MYH11: variants seen among roughly 807,000 people sequenced by gnomAD.
MYH11 encodes the protein myosin-11.
Under a neutral mutation model 246.6 loss-of-function variants are expected in MYH11, and 80 were observed. The ratio of observed to expected loss-of-function variants is 0.32; its 90% CI spans 0.27 to 0.39. MYH11 has a LOEUF of 0.39. Ranked by LOEUF, MYH11 falls within the 10% of genes least tolerant of loss-of-function variation. MYH11 has a pLI of 1.00. For synonymous variants in MYH11, 1,071 were observed against 1,015.5 expected (o/e 1.05, Z -1.04); for missense variants, 2,158 against 2,546.8 (o/e 0.85, Z 3.29).
In MYH11 at chr16:15,714,952, C is replaced by T. The variant is rs746561322; in HGVS notation, c.5743G>A (p.Glu1915Lys). The change falls in exon 40 of 41, where the codon GAG becomes AAG. Residue 1915 changes from glutamate to lysine, a missense_variant. Transcript: ENST00000300036. The part of the protein sequence containing the change: ...RELDEATESN[E>K]AMGREVNALK... Reference sequence around the variant, plus strand: ...GCGTTCACCTCGCGGCCCATGGCCTCGTTGCTCTCCGTGGCCTCATCCAGC... The same window carrying T: ...GCGTTCACCTCGCGGCCCATGGCCTTGTTGCTCTCCGTGGCCTCATCCAGC... 5 of 1,614,118 alleles carry T rather than the reference C, an allele frequency of 3.1e-6. No homozygotes were observed. The highest frequency in any genetic ancestry group is 2.2e-5 in the South Asian group (2 of 91,084).
intron 31 of MYH11, among the ~76,000 whole-genome samples, chr16:15,721,909 G>A (rs1443402830): frequency 6.6e-6 from 1 of 152,166 alleles, no homozygotes; most frequent in Non-Finnish European, 1.5e-5. Context: ...CCAGGCTGGA[G>A]TGCAATGGTG....
Position 15,841,663 on chromosome 16 carries a change from A to G in MYH11, c.-17-3394T>C, listed in dbSNP as rs546300223. Among the ~76,000 whole-genome samples, 8 of 152,348 alleles carry G rather than the reference A, an allele frequency of 5.3e-5. No homozygotes were observed. In the South Asian group the frequency reaches 1.7e-3, roughly 32 times the overall value. On this transcript the variant is annotated intron_variant, in intron 1 of 40. Coordinates refer to ENST00000300036, the MANE Select transcript of MYH11 (RefSeq NM_002474.3). ...CAGATGTGTTTATGAGGAGAGGGAC[A>G]GAGACAACACACTCTATAGGCCTGT...
intron 33 of MYH11, among the ~76,000 whole-genome samples, 159 bp from the exon 34 acceptor site, chr16:15,720,471 C>G (rs911721577): frequency 6.6e-6 from 1 of 151,876 alleles, no homozygotes; most frequent in Admixed American, 6.6e-5. Flanking sequence ...TCACGCCGGG[C>G]GTGGGTGGCT....
Position 15,823,146 on chromosome 16 carries a change from T to C in MYH11, c.502+109A>G, listed in dbSNP as rs2043460136. The C allele has an allele frequency of 2.7e-6, 4 of 1,470,718 alleles. No homozygotes were observed. The Admixed American group carries it at 6.9e-5, about 25-fold the overall frequency. 91.1% of individuals were successfully genotyped at this position (1,470,718 alleles called of 1,614,324 possible). Reference sequence around the variant, plus strand: ...TCCCTTTTTCAGCCACAGTAACTCCTGGTCCCTCGCAGTGCCTGCCAAACT... The same window carrying C: ...TCCCTTTTTCAGCCACAGTAACTCCCGGTCCCTCGCAGTGCCTGCCAAACT... On this transcript the variant is annotated intron_variant, in intron 3 of 40. Coordinates refer to ENST00000300036, the MANE Select transcript of MYH11 (RefSeq NM_002474.3).
rs746923275 is a variant in MYH11, at chr16:15,730,369, TAAAAA to T, written c.3651+2190_3651+2194del. Among the ~76,000 whole-genome samples the T allele has an allele frequency of 2.7e-3, 264 of 97,230 alleles. 3 individuals carry two copies. The Middle Eastern group carries it at 0.034, about 12-fold the overall frequency. The allele number at this position is 97,230 out of a possible 152,430, so 63.8% of individuals were successfully genotyped here. A position where few individuals can be genotyped will look rare whatever the true frequency, so the allele number is the denominator to read the frequency against. On this transcript the variant is annotated intron_variant, in intron 27 of 40. Coordinates refer to ENST00000300036, the MANE Select transcript of MYH11 (RefSeq NM_002474.3). ...CAACATGGCAAAACCCCATCTCTAC[TAAAAA>T]AAAAAAAAAAAAAAAAAATTAGCCG... is the stretch of plus-strand genomic sequence containing the variant.
rs117038177 is a variant in MYH11, at chr16:15,854,250, C to T, written c.-18+2691G>A. 1.2e-3 allele frequency among the ~76,000 whole-genome samples: 176 copies of T among 152,230 alleles called. 1 individual carries two copies. In the East Asian group the frequency reaches 0.03, roughly 26 times the overall value. ...CCGGTTCTGCCAAAGATGAGCCATGCCATACTGAGCAAACATCTTGAACTC... is the reference window on the plus strand; with the variant it reads ...CCGGTTCTGCCAAAGATGAGCCATGTCATACTGAGCAAACATCTTGAACTC... On this transcript the variant is annotated intron_variant, in intron 1 of 40. Transcript: ENST00000300036.
chr16:15,738,711 A>ATAGCTT lies in MYH11; in HGVS notation c.2998-29_2998-24dup, dbSNP rs768602827. On this transcript the variant is annotated intron_variant, in intron 23 of 40. Transcript: ENST00000300036. ...TTCCTTTTTGGGGAAAGAGAAAGAGATAGCTTTAGGATTTTTCTTTTCTCT... is the reference window on the plus strand; with the variant it reads ...TTCCTTTTTGGGGAAAGAGAAAGAGATAGCTTTAGCTTTAGGATTTTTCTTTTCTCT... 1.9e-6 allele frequency: 3 copies of ATAGCTT among 1,612,692 alleles called. 1 individual carries two copies. The South Asian group carries it at 3.3e-5, about 18-fold the overall frequency.
intron 2 of MYH11, among the ~76,000 whole-genome samples, chr16:15,825,544 G>C (rs2043539677): frequency 6.6e-6 from 1 of 152,124 alleles, no homozygotes; most frequent in Admixed American, 6.6e-5. Context: ...GGGTGACAGA[G>C]CAAGACCCTG....
intron 3 of MYH11, among the ~76,000 whole-genome samples, chr16:15,811,649 G>A (rs2043139852): frequency 6.6e-6 from 1 of 151,988 alleles, no homozygotes; most frequent in Non-Finnish European, 1.5e-5. Context: ...GGAGTTGGGT[G>A]AGCAGGAACC....
intron 1 of MYH11, among the ~76,000 whole-genome samples, chr16:15,846,173 A>G (rs192521379): frequency 6.6e-5 from 10 of 152,204 alleles, no homozygotes; most frequent in Admixed American, 2.6e-4. Context: ...TGCCTTTCAC[A>G]TAAGGTGGGT....
At position 15,725,149 on chromosome 16, in the gene MYH11, AC is replaced by A. The variant is rs375930766; in HGVS notation, c.3859-158del. The A allele has an allele frequency of 4.0e-3, 2,258 of 571,230 alleles. 3 individuals are homozygous for A. Among genetic ancestry groups the A allele is most frequent in the Middle Eastern group, 6.4e-3 (14 of 2,186 alleles). 35.4% of individuals were successfully genotyped at this position (571,230 alleles called of 1,614,324 possible). A position where few individuals can be genotyped will look rare whatever the true frequency, so the allele number is the denominator to read the frequency against. ...GGGACTCTGATAAAAAAAAAAAAAA[AC>A]ACACACACACACAAAAAAAACAGAA... On this transcript the variant is annotated intron_variant, in intron 28 of 40. Coordinates refer to ENST00000300036, the MANE Select transcript of MYH11 (RefSeq NM_002474.3).
At chr16:15,771,422 A>T in intron 9 of MYH11, 147 bp downstream of exon 9, 3 of 1,008,712 alleles carry the variant, frequency 3.0e-6, no homozygotes, top group Non-Finnish European at 4.2e-6. Flanking sequence ...CTAGAATAAA[A>T]TTCATTTTCC....
intron 20 of MYH11, 67 bp from the exon 21 acceptor site, chr16:15,741,958 G>A (rs2075510): frequency 3.1e-6 from 5 of 1,600,460 alleles, no homozygotes; most frequent in Admixed American, 1.7e-5. Context: ...TAATAAATTC[G>A]ATCAGTGGTT....
In MYH11 at chr16:15,745,353, C is replaced by G. The variant is rs1003321416; in HGVS notation, c.2412-116G>C. 1.2e-5 allele frequency: 8 copies of G among 684,202 alleles called. No individual in the cohort carries two copies. In the African/African-American group the frequency reaches 1.2e-4, roughly 11 times the overall value. 42.4% of individuals were successfully genotyped at this position (684,202 alleles called of 1,614,324 possible). ...GGGACATGCCCCAATCTCCCCAACT[C>G]AGGTTCTTCCAGAAACCCTGTGTGA... is the stretch of plus-strand genomic sequence containing the variant. On this transcript the variant is annotated intron_variant, in intron 19 of 40. Coordinates refer to ENST00000300036, the MANE Select transcript of MYH11 (RefSeq NM_002474.3).
At chr16:15,794,877 G>A (rs1425463993) in intron 4 of MYH11, among the ~76,000 whole-genome samples, 3 of 152,238 alleles carry the variant, frequency 2.0e-5, no homozygotes, top group Non-Finnish European at 2.9e-5. Context: ...AGGACAGCAG[G>A]AAGTGAAGAG....
chr16:15,823,046 A>T (rs982616496), intron 3 of MYH11, among the ~76,000 whole-genome samples: 2 of 152,260 alleles, frequency 1.3e-5, no homozygotes, highest in African/African-American at 4.8e-5. Flanking sequence ...GAGCGGGCCC[A>T]TGCCCGTATT....
chr16:15,706,647 C>T (rs1426068766), intron 40 of MYH11, among the ~76,000 whole-genome samples: 6 of 151,496 alleles, frequency 4.0e-5, no homozygotes, highest in African/African-American at 1.5e-4. Context: ...GTGAAGGCTG[C>T]AGTGAGCCAA....
At chr16:15,734,408 A>G (rs1399342569) in intron 26 of MYH11, among the ~76,000 whole-genome samples, 1 of 151,972 alleles carries the variant, frequency 6.6e-6, no homozygotes, top group African/African-American at 2.4e-5. Context: ...AAGTGACTCT[A>G]CTGCCTCAGC....
intron 27 of MYH11, among the ~76,000 whole-genome samples, chr16:15,727,835 G>T (rs544613443): frequency 9.0e-4 from 137 of 152,110 alleles, no homozygotes; most frequent in Non-Finnish European, 1.7e-3. Context: ...AGCTGGGTGT[G>T]GGGGGCACAC....
Sources: allele counts gnomAD v4.1 joint callset (sites outside exome capture counted in the v4.1 genomes callset), GRCh38; gene constraint gnomAD v4.1.1; transcripts MANE v1.5; gene names NCBI Gene and HGNC (gene_info 2026-07-23, HGNC 2026-07-21).